TENM1: variants seen among roughly 807,000 people sequenced by gnomAD.
TENM1 encodes the protein teneurin-1.
TENM1 carries 35 observed loss-of-function variants against 174.8 expected under a neutral mutation model. That is an observed-to-expected ratio of 0.20 (90% CI 0.15 to 0.27). TENM1 has a LOEUF of 0.27. Ranked by LOEUF, TENM1 falls within the 10% of genes least tolerant of loss-of-function variation. The probability of loss-of-function intolerance (pLI) is 1.00; values close to 1 mark genes in which losing one functional copy is unlikely to be tolerated. For missense variants in TENM1, 1,633 were observed against 2,130.1 expected (o/e 0.77, Z 4.59); for synonymous variants, 781 against 798.7 (o/e 0.98, Z 0.37).
intron 14 of TENM1, among the ~76,000 whole-genome samples, chrX:124,547,531 A>C (rs1356758307): frequency 8.9e-6 from 1 of 112,194 alleles, no homozygotes. Context: ...TATTTTTTTA[A>C]AAAATCCTCC....
rs750299318 is a variant in TENM1 at position 124,798,732 on chromosome X, C to T, written c.536-61535G>A. Reference sequence around the variant, plus strand: ...TCAATTTGGGTTTTTGTTGCAATTGCTTTTGGTGTTTTAGTCATGAAGTCT... The same window carrying T: ...TCAATTTGGGTTTTTGTTGCAATTGTTTTTGGTGTTTTAGTCATGAAGTCT... On this transcript the variant is annotated intron_variant, in intron 3 of 31. Transcript: ENST00000422452. 9.9e-5 allele frequency among the ~76,000 whole-genome samples: 11 copies of T among 111,645 alleles called. No homozygotes were observed. In the South Asian group the frequency reaches 3.0e-3, roughly 30 times the overall value.
exon 28 of TENM1, chrX:124,392,179 G>A (rs773305116): frequency 2.5e-6 from 3 of 1,210,795 alleles, no homozygotes; most frequent in East Asian, 3.0e-5. Context: ...CAATCCCGAA[G>A]GTGAATATGT....
At chrX:124,775,588 G>A (rs1014992094) in intron 3 of TENM1, among the ~76,000 whole-genome samples, 1 of 112,179 alleles carries the variant, frequency 8.9e-6, no homozygotes, top group African/African-American at 3.2e-5. Flanking sequence ...TAGGCAAGGA[G>A]AACTTGGCTC....
At chrX:124,770,159 A>G (rs993629134) in intron 3 of TENM1, among the ~76,000 whole-genome samples, 3 of 111,460 alleles carry the variant, frequency 2.7e-5, no homozygotes, top group African/African-American at 9.8e-5. Flanking sequence ...TTTTCTTCCC[A>G]TTTCATTACA....
At chrX:124,450,331 G>A (rs1407282931) in intron 23 of TENM1, among the ~76,000 whole-genome samples, 4 of 98,821 alleles carry the variant, frequency 4.0e-5, no homozygotes, top group Admixed American at 1.1e-4. Flanking sequence ...CTGCACTCCC[G>A]CCTGGGCCAC....
At chrX:124,711,011 C>T (rs1258590914) in intron 4 of TENM1, among the ~76,000 whole-genome samples, 1 of 111,812 alleles carries the variant, frequency 8.9e-6, no homozygotes, top group Non-Finnish European at 1.9e-5. Flanking sequence ...CCCTGGGGAC[C>T]TGAGGATATA....
chrX:124,665,200 C>T (rs184051026), intron 6 of TENM1, among the ~76,000 whole-genome samples: 2 of 111,353 alleles, frequency 1.8e-5, no homozygotes, highest in Admixed American at 1.9e-4. Context: ...ATTAGCCTGG[C>T]ATGGTGGCAC....
the TENM1 span, among the ~76,000 whole-genome samples, chrX:125,122,748 A>C: frequency 9.0e-6 from 1 of 111,328 alleles, no homozygotes; most frequent in Non-Finnish European, 1.9e-5. Context: ...AAGGTCATAC[A>C]GACTTAAAGG....
the TENM1 span, among the ~76,000 whole-genome samples, chrX:125,188,712 A>G: frequency 1.8e-5 from 2 of 112,132 alleles, no homozygotes; most frequent in African/African-American, 6.5e-5. Flanking sequence ...AGGGTATCAT[A>G]TTATTACTAA....
At chrX:124,417,291 C>A (rs962868682) in intron 25 of TENM1, among the ~76,000 whole-genome samples, 1 of 110,644 alleles carries the variant, frequency 9.0e-6, no homozygotes, top group Admixed American at 9.6e-5. Context: ...CTCACTGCAA[C>A]CTCCACCTCC....
chrX:124,678,235 T>A (rs1234231932), intron 5 of TENM1, among the ~76,000 whole-genome samples: 1 of 111,360 alleles, frequency 9.0e-6, no homozygotes, highest in Non-Finnish European at 1.9e-5. Flanking sequence ...CACTGGATGA[T>A]CTGTATGTAC....
chrX:125,160,292 G>C, the TENM1 span, among the ~76,000 whole-genome samples: 1 of 107,193 alleles, frequency 9.3e-6, no homozygotes, highest in Non-Finnish European at 1.9e-5. Context: ...GGGAGGCTGA[G>C]GCAGGTGGAT....
At chrX:124,953,292 C>A (rs1030098997) in intron 1 of TENM1, among the ~76,000 whole-genome samples, 5 of 112,011 alleles carry the variant, frequency 4.5e-5, no homozygotes, top group African/African-American at 1.6e-4. Flanking sequence ...GATATAGTTC[C>A]AATAAATCCT....
chrX:125,050,837 T>G, the TENM1 span, among the ~76,000 whole-genome samples: 1 of 111,879 alleles, frequency 8.9e-6, no homozygotes, highest in Non-Finnish European at 1.9e-5. Context: ...TTTCCTGACT[T>G]TTTAATGATC....
intron 11 of TENM1, among the ~76,000 whole-genome samples, chrX:124,590,206 A>T (rs1045483393): frequency 3.6e-5 from 4 of 111,888 alleles, no homozygotes; most frequent in Non-Finnish European, 7.5e-5. Context: ...TAACTTTGAC[A>T]TAACTGTGCA....
At chrX:124,450,314 T>C (rs1420648697) in intron 23 of TENM1, among the ~76,000 whole-genome samples, 1 of 105,029 alleles carries the variant, frequency 9.5e-6, no homozygotes, top group Non-Finnish European at 2.0e-5. Context: ...GAGCCGAGAT[T>C]GCGCCACTGC....
At chrX:125,097,448 G>T in the TENM1 span, among the ~76,000 whole-genome samples, 1 of 111,530 alleles carries the variant, frequency 9.0e-6, no homozygotes, top group East Asian at 2.8e-4. Context: ...TGTACATGCA[G>T]AAATAGTCAC....
chrX:124,384,354 C>T (rs772524069), exon 30 of TENM1: 3 of 1,211,326 alleles, frequency 2.5e-6, no homozygotes, highest in Non-Finnish European at 3.4e-6. Flanking sequence ...GCACTCTTCC[C>T]ATGGCTTAAG....
intron 3 of TENM1, among the ~76,000 whole-genome samples, chrX:124,871,543 GTTGAGT>G (rs2057108542): frequency 8.9e-6 from 1 of 111,930 alleles, no homozygotes; most frequent in African/African-American, 3.3e-5. Context: ...TTTTGGGCAA[GTTGAGT>G]TTAAGATATC....
Sources: gnomAD v4.1 joint callset for allele counts (sites outside exome capture counted in the v4.1 genomes callset) on GRCh38, gnomAD v4.1.1 for gene constraint, MANE v1.5 for transcripts, NCBI Gene and HGNC (gene_info 2026-07-23, HGNC 2026-07-21) for gene names.